MACF1: variants seen among roughly 807,000 people sequenced by gnomAD.
MACF1 encodes microtubule-actin cross-linking factor 1.
MACF1 carries 193 observed loss-of-function variants against 854.8 expected under a neutral mutation model. The ratio of observed to expected loss-of-function variants is 0.23; its 90% CI spans 0.20 to 0.25. The LOEUF is 0.25. Ranked by LOEUF, MACF1 falls within the 10% of genes least tolerant of loss-of-function variation. MACF1 has a pLI of 1.00. For missense variants in MACF1, 7,722 were observed against 8,929.1 expected (o/e 0.86, Z 5.45); for synonymous variants, 3,185 against 3,226.7 (o/e 0.99, Z 0.44).
In MACF1 at chr1:39,112,286, A is replaced by G. The variant is rs190987812; in HGVS notation, c.220+27848A>G. 7.2e-4 allele frequency among the ~76,000 whole-genome samples: 110 copies of G among 152,038 alleles called. 1 individual carries two copies. Among genetic ancestry groups the G allele is most frequent in the African/African-American group, 2.4e-3 (101 of 41,474 alleles). ...ATTTTTTAATAGAGACGGTTTCACCATATTGGCCAGGCTGGTCTCAAACTC... is the reference window on the plus strand; with the variant it reads ...ATTTTTTAATAGAGACGGTTTCACCGTATTGGCCAGGCTGGTCTCAAACTC... On this transcript the variant is annotated intron_variant, in intron 2 of 93. Transcript: ENST00000361689.
At chr1:39,194,351 CTT>C (rs749853544) in intron 2 of MACF1, among the ~76,000 whole-genome samples, 1,464 of 35,156 alleles carry the variant, frequency 0.042, 7 homozygotes, top group Middle Eastern at 0.069. Flanking sequence ...CTTTTCTTTT[CTT>C]TTTTTTTTTT....
Position 39,385,841 on chromosome 1 carries a change from G to A in MACF1, c.14256G>A (p.Val4752=). Residue 4752 remains valine (V), a synonymous_variant, in exon 57 of 101, where the codon GTG becomes GTA. Transcript: ENST00000564288. ...AGACACTGTGCGATGAACTCTCAGTGCTCATTGGTGAGCAGTACCTCAAGG... is the reference window on the plus strand; with the variant it reads ...AGACACTGTGCGATGAACTCTCAGTACTCATTGGTGAGCAGTACCTCAAGG... The part of the protein sequence containing the change: ...EAQTLCDELS[V]LIGEQYLKDE... The A allele has an allele frequency of 6.2e-7, 1 of 1,614,176 alleles. No homozygotes were observed. Among genetic ancestry groups the A allele is most frequent in the Non-Finnish European group, 8.5e-7 (1 of 1,180,038 alleles).
At chr1:39,127,665 C>G (rs1312553686) in intron 2 of MACF1, among the ~76,000 whole-genome samples, 1 of 152,180 alleles carries the variant, frequency 6.6e-6, no homozygotes, top group Non-Finnish European at 1.5e-5. Flanking sequence ...CTCCTTTTCT[C>G]TAAAAACTCC....
intron 2 of MACF1, among the ~76,000 whole-genome samples, chr1:39,131,577 C>A (rs1242898967): frequency 6.6e-6 from 1 of 152,180 alleles, no homozygotes; most frequent in African/African-American, 2.4e-5. Context: ...GAACATCTCA[C>A]TTATCTTTGT....
chr1:39,323,117 AT>A, intron 33 of MACF1, 109 bp downstream of exon 33: 1 of 953,386 alleles, frequency 1.0e-6, no homozygotes, highest in Non-Finnish European at 1.7e-6. Flanking sequence ...AGTTGGGAGG[AT>A]TACTTGAGTC....
intron 6 of MACF1, among the ~76,000 whole-genome samples, chr1:39,275,931 T>C (rs1645427869): frequency 6.6e-6 from 1 of 152,018 alleles, no homozygotes; most frequent in South Asian, 2.1e-4. Context: ...TCTTCTTTTT[T>C]TTTTTTTGAG....
At chr1:39,424,222 G>T (rs776539448) in intron 61 of MACF1, 28 bp downstream of exon 61, 2 of 1,595,276 alleles carry the variant, frequency 1.3e-6, no homozygotes, top group Non-Finnish European at 1.7e-6. Context: ...TTGAGGAGTG[G>T]GTCAGAGGTT....
intron 30 of MACF1, among the ~76,000 whole-genome samples, chr1:39,318,883 T>A (rs1169210563): frequency 6.6e-6 from 1 of 152,186 alleles, no homozygotes; most frequent in Non-Finnish European, 1.5e-5. Context: ...TTTGTTTTTT[T>A]TTATATTACA....
At position 39,279,398 on chromosome 1, in the gene MACF1, C is replaced by CTT. The variant is rs140715515; in HGVS notation, c.529-2801_529-2800dup. Reference sequence around the variant, plus strand: ...AAATATAGTGTTAAAGTTCCTGGCCCTTTTTTTTTTCCAATTTTAAAATAT... The same window carrying CTT: ...AAATATAGTGTTAAAGTTCCTGGCCCTTTTTTTTTTTTCCAATTTTAAAATAT... On this transcript the variant is annotated intron_variant, in intron 6 of 100. Transcript: ENST00000564288. 6.2e-3 allele frequency among the ~76,000 whole-genome samples: 928 copies of CTT among 148,574 alleles called. 4 individuals carry two copies. The highest frequency in any genetic ancestry group is 0.014 in the Middle Eastern group (4 of 288).
At chr1:39,104,555 G>A (rs141707662) in intron 2 of MACF1, among the ~76,000 whole-genome samples, 1 of 152,224 alleles carries the variant, frequency 6.6e-6, no homozygotes, top group East Asian at 1.9e-4. Flanking sequence ...CTGTTCAGAT[G>A]GCTGTCACAG....
intron 58 of MACF1, among the ~76,000 whole-genome samples, chr1:39,421,514 T>G (rs1185742687): frequency 6.6e-6 from 1 of 152,218 alleles, no homozygotes; most frequent in Non-Finnish European, 1.5e-5. Flanking sequence ...AGAATGAAGT[T>G]AAATGGCCAC....
chr1:39,275,348 C>T (rs1045329630), intron 6 of MACF1, among the ~76,000 whole-genome samples: 2 of 152,050 alleles, frequency 1.3e-5, no homozygotes. Context: ...TCCCAAAGTG[C>T]TGGAATTACG....
At chr1:39,201,787 C>T (rs1436450234), upstream of MACF1, among the ~76,000 whole-genome samples, 1 of 152,038 alleles carries the variant, frequency 6.6e-6, no homozygotes, top group African/African-American at 2.4e-5. Flanking sequence ...CTGACCTCGT[C>T]TCTGGCCTCC....
At position 39,372,526 on chromosome 1, in the gene MACF1, C is replaced by A. The variant is rs757760330; in HGVS notation, c.13143C>A (p.Ile4381=). The A allele has an allele frequency of 6.2e-7, 1 of 1,613,736 alleles. No individual in the cohort carries two copies. Among genetic ancestry groups the A allele is most frequent in the Admixed American group, 1.7e-5 (1 of 59,992 alleles). Residue 4381 remains isoleucine, a synonymous_variant, in exon 52 of 101, where the codon ATC becomes ATA. Transcript: ENST00000564288. ...WASKGTLVEE[I]NCKGTSLENL... ...GTAAGGGAACTCTGGTGGAAGAAAT[C>A]AATTGCAAAGGTACTTCTTTAGAAA... is the stretch of plus-strand genomic sequence containing the variant.
At chr1:39,255,711 C>A (rs1185312763) in intron 5 of MACF1, among the ~76,000 whole-genome samples, 1 of 152,116 alleles carries the variant, frequency 6.6e-6, no homozygotes, top group East Asian at 1.9e-4. Context: ...CCTCAGTTGG[C>A]ACTTAATAAA....
At chr1:39,176,919 G>A (rs1326720388) in intron 2 of MACF1, among the ~76,000 whole-genome samples, 1 of 152,104 alleles carries the variant, frequency 6.6e-6, no homozygotes, top group Non-Finnish European at 1.5e-5. Context: ...CTTGAATTGT[G>A]ACTTTTTTTC....
intron 2 of MACF1, among the ~76,000 whole-genome samples, chr1:39,134,948 C>T (rs1461431163): frequency 1.3e-5 from 2 of 152,076 alleles, no homozygotes; most frequent in Non-Finnish European, 2.9e-5. Flanking sequence ...ACTCACCTTC[C>T]CCCTCCTTAG....
chr1:39,324,611 T>G (rs1217562592), intron 34 of MACF1, 35 bp from the exon 35 acceptor site: 1 of 1,535,578 alleles, frequency 6.5e-7, no homozygotes, highest in East Asian at 2.2e-5. Context: ...AATTCTTGGG[T>G]TTTGAAGCTT....
rs1307407905 is a variant in MACF1 at position 39,205,147 on chromosome 1, C to T, written c.109+16C>T. On this transcript the variant is annotated intron_variant, in intron 1 of 100. Transcript: ENST00000564288. Reference sequence around the variant, plus strand: ...GGTAGAGCAGGTAACTAACTGGTACCCAGTTATTCTTTAAATCTACTGTGG... The same window carrying T: ...GGTAGAGCAGGTAACTAACTGGTACTCAGTTATTCTTTAAATCTACTGTGG... 1.4e-6 allele frequency: 1 copy of T among 702,780 alleles called. No individual in the cohort carries two copies. The highest frequency in any genetic ancestry group is 1.5e-5 in the South Asian group (1 of 67,580). 43.5% of individuals were successfully genotyped at this position (702,780 alleles called of 1,614,324 possible). A position where few individuals can be genotyped will look rare whatever the true frequency, so the allele number is the denominator to read the frequency against.
Sources: gnomAD v4.1 joint callset for allele counts (sites outside exome capture counted in the v4.1 genomes callset) on GRCh38, gnomAD v4.1.1 for gene constraint, MANE v1.5 for transcripts, NCBI Gene and HGNC (gene_info 2026-07-23, HGNC 2026-07-21) for gene names.